Variants in BRAF observed in about 807,000 individuals in gnomAD.
BRAF encodes B-Raf proto-oncogene, serine/threonine kinase, also known as serine/threonine-protein kinase B-raf.
A neutral mutation model predicts 104.6 loss-of-function variants in BRAF; 16 were observed. The observed-to-expected ratio is 0.15, with a 90% CI of 0.10 to 0.23. BRAF has a LOEUF of 0.23. Among genes scored for constraint, BRAF ranks in the 10% least tolerant of loss-of-function variants. The pLI is 1.00. For synonymous variants in BRAF, 310 were observed against 341.6 expected, an observed-to-expected ratio of 0.91 and a Z score of 1.02; for missense variants, 541 against 937.3, an observed-to-expected ratio of 0.58 and a Z score of 5.52.
At chr7:140,856,290 G>C (rs1014660075) in intron 1 of BRAF, among the ~76,000 whole-genome samples, 4 of 151,904 alleles carry the variant, frequency 2.6e-5, no homozygotes, top group Non-Finnish European at 5.9e-5. Context: ...GGGAGAGACA[G>C]AAGTGGTCTT....
intron 14 of BRAF, chr7:140,758,031 T>C (rs535078494): frequency 6.6e-6 from 1 of 152,380 alleles, no homozygotes; most frequent in African/African-American, 2.4e-5. Flanking sequence ...TAAAAGCCAC[T>C]AGCATCTCTC....
At chr7:140,825,583 C>T (rs1189172661) in intron 3 of BRAF, among the ~76,000 whole-genome samples, 1 of 152,122 alleles carries the variant, frequency 6.6e-6, no homozygotes, top group Non-Finnish European at 1.5e-5. Flanking sequence ...TTCCTTTATA[C>T]AGTAAACCTT....
At chr7:140,716,896 T>C (rs1795140184), downstream of BRAF, among the ~76,000 whole-genome samples, 1 of 152,248 alleles carries the variant, frequency 6.6e-6, no homozygotes, top group Non-Finnish European at 1.5e-5. Context: ...TGTCGCCTGC[T>C]GCAACCATTT....
chr7:140,788,869 A>T (rs963782290), intron 8 of BRAF, among the ~76,000 whole-genome samples: 4 of 151,850 alleles, frequency 2.6e-5, no homozygotes, highest in African/African-American at 9.7e-5. Context: ...GATTACATGC[A>T]TAAGCCGCCG....
chr7:140,717,820 TG>T (rs1795168401), downstream of BRAF, among the ~76,000 whole-genome samples: 1 of 152,238 alleles, frequency 6.6e-6, no homozygotes, highest in African/African-American at 2.4e-5. Flanking sequence ...ATTTCTATGA[TG>T]TTTATATTAT....
rs116915651 is a variant in BRAF, at chr7:140,810,891, C to A, written c.505-1896G>T. 4.6e-5 allele frequency among the ~76,000 whole-genome samples: 7 copies of A among 152,288 alleles called. No homozygotes were observed. In the East Asian group the frequency reaches 1.4e-3, roughly 29 times the overall value. The stretch of plus-strand genomic sequence containing the variant: ...CAATTTTCATACTATAAACAAGTAT[C>A]CTGGGCAGAGCCTATTTGGTGCCAC... On this transcript the variant is annotated intron_variant, in intron 3 of 19. Coordinates refer to ENST00000644969, the MANE Select transcript of BRAF (RefSeq NM_001374258.1).
At chr7:140,766,041 G>C (rs1799284158) in intron 14 of BRAF, among the ~76,000 whole-genome samples, 1 of 151,664 alleles carries the variant, frequency 6.6e-6, no homozygotes, top group Admixed American at 6.6e-5. Flanking sequence ...CAAAGACTTG[G>C]AACCAACCCA....
rs1472904541 is a variant in BRAF, at chr7:140,721,514, TAAAAC to T, written c.*4975_*4979del. The T allele has an allele frequency of 1.4e-6, 2 of 1,406,954 alleles. No individual in the cohort carries two copies. Among genetic ancestry groups the T allele is most frequent in the African/African-American group, 2.9e-5 (2 of 68,442 alleles). The allele number at this position is 1,406,954 out of a possible 1,614,324, so 87.2% of individuals were successfully genotyped here. ...CAGAGCTTACTGTCTAGTGTACTAA[TAAAAC>T]AAACATCTTACCAGTATTTTTAATT... On this transcript the variant is annotated 3_prime_UTR_variant, in exon 20 of 20. Transcript: ENST00000644969.
At chr7:140,783,297 G>A (rs1801056291) in intron 10 of BRAF, 140 bp from the exon 10 acceptor site, 2 of 1,003,692 alleles carry the variant, frequency 2.0e-6, no homozygotes, top group South Asian at 3.5e-5. Context: ...GAAAGGATGG[G>A]CCAAAAAGGG....
At chr7:140,870,094 A>G (rs1257615202) in intron 1 of BRAF, among the ~76,000 whole-genome samples, 3 of 152,224 alleles carry the variant, frequency 2.0e-5, no homozygotes, top group African/African-American at 7.2e-5. Context: ...ATGTAAATAG[A>G]GAGAAAAGAG....
In BRAF at chr7:140,724,206, C is replaced by T; in HGVS notation, c.*2288G>A. On this transcript the variant is annotated 3_prime_UTR_variant, in exon 20 of 20. Transcript: ENST00000644969. ...TTCCTCCCTAATGGTACCGCCCCTG[C>T]CCCTGCCCCACGGAGGCAGTCCCGG... 1.9e-6 allele frequency: 2 copies of T among 1,057,440 alleles called. No individual in the cohort carries two copies. Among genetic ancestry groups the T allele is most frequent in the Non-Finnish European group, 2.3e-6 (2 of 874,366 alleles). 65.5% of individuals were successfully genotyped at this position (1,057,440 alleles called of 1,614,324 possible).
At chr7:140,912,954 T>C (rs565910220) in intron 1 of BRAF, among the ~76,000 whole-genome samples, 1 of 152,360 alleles carries the variant, frequency 6.6e-6, no homozygotes, top group Admixed American at 6.5e-5. Context: ...CCCTAGTCTC[T>C]ACCTTGCCCC....
intron 7 of BRAF, among the ~76,000 whole-genome samples, chr7:140,798,460 C>T (rs769832656): frequency 6.6e-6 from 1 of 150,880 alleles, no homozygotes; most frequent in South Asian, 2.1e-4. Context: ...CGGGGTTTCA[C>T]TGTGTTAGCC....
chr7:140,891,646 T>C (rs954767360), intron 1 of BRAF, among the ~76,000 whole-genome samples: 11 of 152,138 alleles, frequency 7.2e-5, no homozygotes, highest in African/African-American at 2.7e-4. Flanking sequence ...TTTTAGTGCA[T>C]TGTGTTCCTC....
chr7:140,787,206 C>T (rs1356327014), intron 9 of BRAF, among the ~76,000 whole-genome samples: 1 of 146,580 alleles, frequency 6.8e-6, no homozygotes, highest in Non-Finnish European at 1.5e-5. Context: ...GAGGCTGAGG[C>T]AGGAGAATGG....
rs71645988 is a variant in BRAF at position 140,753,658 on chromosome 7, G to A, written c.1862-265C>T. On this transcript the variant is annotated intron_variant, in intron 15 of 19. Transcript: ENST00000644969. ...GAGATGCTTTCCTAAGTTTATAGGA[G>A]AACCTAAAACTTTCCCATTAGATTT... is the stretch of plus-strand genomic sequence containing the variant. The A allele has an allele frequency of 9.0e-3, 3,193 of 354,456 alleles. 102 individuals carry two copies. The highest frequency in any genetic ancestry group is 0.062 in the African/African-American group (2,930 of 47,394). 22.0% of individuals were successfully genotyped at this position (354,456 alleles called of 1,614,324 possible).
At chr7:140,860,465 G>GAAAAAA (rs746617365) in intron 1 of BRAF, among the ~76,000 whole-genome samples, 22 of 62,096 alleles carry the variant, frequency 3.5e-4, no homozygotes, top group African/African-American at 1.4e-3. Context: ...CCCATCTCTA[G>GAAAAAA]AAAAAAAAAA....
rs2130868015 is a variant in BRAF, at chr7:140,734,647, G to A, written c.2371C>T (p.Pro791Ser). ...CCCCCTGCCTGGATGGGTGTTTTTG[G>A]AGAAGCACAAGCATATAGACTAAAA... Reference protein sequence around the residue: ...EDFSLYACASPKTPIQAGGYG... With the variant: ...EDFSLYACASSKTPIQAGGYG... The change falls in exon 19 of 20, where the codon CCA (proline) becomes TCA (serine). Residue 791 changes from proline (P) to serine (S), a missense_variant. Transcript: ENST00000644969. The A allele has an allele frequency of 1.2e-6, 2 of 1,613,782 alleles. No individual in the cohort carries two copies. The highest frequency in any genetic ancestry group is 8.5e-7 in the Non-Finnish European group (1 of 1,179,976).
chr7:140,763,004 C>T (rs375632516), intron 14 of BRAF, among the ~76,000 whole-genome samples: 4,288 of 152,288 alleles, frequency 0.028, 198 homozygotes, highest in African/African-American at 0.096. Context: ...CCCATGTCTA[C>T]CTCTTTCTAC....
Sources: gnomAD v4.1 joint callset for allele counts (sites outside exome capture counted in the v4.1 genomes callset) on GRCh38, gnomAD v4.1.1 for gene constraint, MANE v1.5 for transcripts, NCBI Gene and HGNC (gene_info 2026-07-23, HGNC 2026-07-21) for gene names.